TMEM135: variants seen among roughly 807,000 people sequenced by gnomAD.
TMEM135 encodes transmembrane protein 135.
Under a neutral mutation model 60.3 loss-of-function variants are expected in TMEM135, and 30 were observed. That is an observed-to-expected ratio of 0.50 (90% CI 0.37 to 0.68). The LOEUF (loss-of-function observed/expected upper bound fraction) is 0.68, where lower values mean the gene tolerates loss of function less well. Ranked by LOEUF, TMEM135 falls within the 30% of genes least tolerant of loss-of-function variation. The pLI, the probability that TMEM135 is intolerant of heterozygous loss-of-function variation, is 0.00. For synonymous variants in TMEM135, 190 were observed against 186.7 expected (o/e 1.02, Z -0.14); for missense variants, 468 against 548.8 (o/e 0.85, Z 1.47).
chr11:87,093,373 C>G (rs950588259), intron 4 of TMEM135, among the ~76,000 whole-genome samples: 1 of 151,844 alleles, frequency 6.6e-6, no homozygotes, highest in Non-Finnish European at 1.5e-5. Context: ...CCACAATGTC[C>G]GGCTATTTTT....
chr11:87,169,028 T>C (rs1939150231), intron 5 of TMEM135, among the ~76,000 whole-genome samples: 1 of 152,102 alleles, frequency 6.6e-6, no homozygotes, highest in African/African-American at 2.4e-5. Flanking sequence ...CTCATCTTGT[T>C]GCACTGATCC....
chr11:87,259,643 C>G (rs1402437698), intron 6 of TMEM135, among the ~76,000 whole-genome samples: 1 of 152,150 alleles, frequency 6.6e-6, no homozygotes, highest in African/African-American at 2.4e-5. Context: ...AGAAAGTACA[C>G]CATCGATATA....
rs373521928 is a variant in TMEM135 at position 87,115,527 on chromosome 11, A to G, written c.396+24132A>G. 2.2e-3 allele frequency among the ~76,000 whole-genome samples: 333 copies of G among 152,208 alleles called. 19 individuals are homozygous for G. In the South Asian group the frequency reaches 0.066, roughly 30 times the overall value. ...TGCCTTTGACTTCTGCAACTGAACT[A>G]TATTTACATTTAATTTACAGCCTTT... On this transcript the variant is annotated intron_variant, in intron 4 of 14. Transcript: ENST00000305494.
At chr11:87,319,482 G>T in intron 14 of TMEM135, 105 bp downstream of exon 14, 1 of 806,802 alleles carries the variant, frequency 1.2e-6, no homozygotes, top group East Asian at 2.7e-5. Flanking sequence ...AATAAAATAT[G>T]AGTAACTTAA....
At chr11:87,269,065 GTT>G (rs59945346) in intron 6 of TMEM135, among the ~76,000 whole-genome samples, 3 of 145,240 alleles carry the variant, frequency 2.1e-5, no homozygotes, top group African/African-American at 5.0e-5. Context: ...AAAATGGCTA[GTT>G]TTTTTTTTTT....
chr11:87,195,736 G>A lies in TMEM135; in HGVS notation c.462+38330G>A, dbSNP rs192668724. Among the ~76,000 whole-genome samples, 6 of 152,102 alleles carry A rather than the reference G, an allele frequency of 3.9e-5. No individual in the cohort carries two copies. The East Asian group carries it at 1.2e-3, about 29-fold the overall frequency. On this transcript the variant is annotated intron_variant, in intron 5 of 14. Transcript: ENST00000305494. ...AAAAAGTCATTTTCTTACTTCACAC[G>A]AGTAAAAATTGTTTTTGCATGCCTG... is the stretch of plus-strand genomic sequence containing the variant.
chr11:87,247,755 T>C (rs967811704), intron 6 of TMEM135, among the ~76,000 whole-genome samples: 2 of 152,140 alleles, frequency 1.3e-5, no homozygotes, highest in Non-Finnish European at 2.9e-5. Flanking sequence ...AGGTGCCGTC[T>C]GTCACCCCTT....
chr11:87,312,227 C>T (rs1942651591), intron 10 of TMEM135, among the ~76,000 whole-genome samples: 1 of 147,238 alleles, frequency 6.8e-6, no homozygotes. Context: ...TACTATGGCT[C>T]CATTCTAGCT....
Position 87,242,929 on chromosome 11 carries a change from T to C in TMEM135, c.509+6245T>C, listed in dbSNP as rs879256180. ...GTTTTAGACATGAAGTCCTTGCCCA[T>C]GCCTATGTCCTGAATGGTAATGCCT... On this transcript the variant is annotated intron_variant, in intron 6 of 14. Coordinates refer to ENST00000305494, the MANE Select transcript of TMEM135 (RefSeq NM_022918.4). Among the ~76,000 whole-genome samples the C allele has an allele frequency of 4.7e-3, 692 of 146,430 alleles. 2 individuals are homozygous for C. The highest frequency in any genetic ancestry group is 7.1e-3 in the Middle Eastern group (2 of 282).
At chr11:87,219,313 G>T (rs1441185552) in intron 5 of TMEM135, among the ~76,000 whole-genome samples, 1 of 152,160 alleles carries the variant, frequency 6.6e-6, no homozygotes, top group East Asian at 1.9e-4. Context: ...ATAGAAATTT[G>T]TTTTCTCAAA....
At chr11:87,224,892 A>G (rs1296230003) in intron 5 of TMEM135, among the ~76,000 whole-genome samples, 1 of 151,908 alleles carries the variant, frequency 6.6e-6, no homozygotes, top group Non-Finnish European at 1.5e-5. Context: ...ATCTTACTAT[A>G]TATGTAAACA....
chr11:87,222,673 G>A (rs188850968), intron 5 of TMEM135, among the ~76,000 whole-genome samples: 3,140 of 150,162 alleles, frequency 0.021, 35 homozygotes, highest in South Asian at 0.032. Context: ...GTGTGGTGGC[G>A]GGCACCTCTA....
intron 5 of TMEM135, among the ~76,000 whole-genome samples, chr11:87,158,616 A>G (rs1388197023): frequency 7.0e-6 from 1 of 143,388 alleles, no homozygotes; most frequent in Non-Finnish European, 1.5e-5. Context: ...TGCCCGCCAC[A>G]ACGCCCGGCT....
At chr11:87,221,467 G>T (rs1940615391) in intron 5 of TMEM135, among the ~76,000 whole-genome samples, 1 of 152,162 alleles carries the variant, frequency 6.6e-6, no homozygotes, top group Non-Finnish European at 1.5e-5. Flanking sequence ...AGGGGTTAAA[G>T]TTTGTATAAA....
chr11:87,184,664 A>T (rs529483076), intron 5 of TMEM135, among the ~76,000 whole-genome samples: 2 of 152,220 alleles, frequency 1.3e-5, no homozygotes, highest in Middle Eastern at 6.8e-3. Flanking sequence ...ATTGTGTTAT[A>T]TAAGAGACTC....
chr11:87,250,844 C>G (rs932690037), intron 6 of TMEM135, among the ~76,000 whole-genome samples: 3 of 152,146 alleles, frequency 2.0e-5, no homozygotes, highest in Admixed American at 6.6e-5. Flanking sequence ...AAAGGGATTA[C>G]TTGCAGCAAT....
In TMEM135 at chr11:87,077,011, C is replaced by G. The variant is rs746763927; in HGVS notation, c.362+5396C>G. Among the ~76,000 whole-genome samples, 68 of 152,284 alleles carry G rather than the reference C, an allele frequency of 4.5e-4. 1 individual carries two copies. Among genetic ancestry groups the G allele is most frequent in the Middle Eastern group, 3.4e-3 (1 of 294 alleles). Reference sequence around the variant, plus strand: ...GTATTCACTAATTCTTATGTATACTCATTTGTGTACATGTCTATGCAGTTT... The same window carrying G: ...GTATTCACTAATTCTTATGTATACTGATTTGTGTACATGTCTATGCAGTTT... On this transcript the variant is annotated intron_variant, in intron 3 of 14. Coordinates refer to ENST00000305494, the MANE Select transcript of TMEM135 (RefSeq NM_022918.4).
chr11:87,100,324 C>T (rs1038153220), intron 4 of TMEM135, among the ~76,000 whole-genome samples: 6 of 152,140 alleles, frequency 3.9e-5, no homozygotes, highest in Non-Finnish European at 4.4e-5. Flanking sequence ...TCCTTTTTAT[C>T]TAAACAGAGC....
intron 8 of TMEM135, among the ~76,000 whole-genome samples, chr11:87,303,341 A>AC (rs528733893): frequency 1.5e-4 from 22 of 151,544 alleles, no homozygotes; most frequent in African/African-American, 4.4e-4. Context: ...ATCCTAAACC[A>AC]CCCCCCTCTC....
Sources: allele counts gnomAD v4.1 joint callset (sites outside exome capture counted in the v4.1 genomes callset), GRCh38; gene constraint gnomAD v4.1.1; transcripts MANE v1.5; gene names NCBI Gene and HGNC (gene_info 2026-07-23, HGNC 2026-07-21).